LRP1B: variants seen among roughly 807,000 people sequenced by gnomAD.
LRP1B encodes the protein LDL receptor related protein 1B, also known as low-density lipoprotein receptor-related protein 1B.
Under a neutral mutation model 556.6 loss-of-function variants are expected in LRP1B, and 217 were observed. The ratio of observed to expected loss-of-function variants is 0.39; its 90% CI spans 0.35 to 0.44. The LOEUF (loss-of-function observed/expected upper bound fraction) is 0.44, where lower values mean the gene tolerates loss of function less well. Ranked by LOEUF, LRP1B falls within the 20% of genes least tolerant of loss-of-function variation. LRP1B has a pLI of 1.00. For missense variants in LRP1B, 5,053 were observed against 5,620.8 expected (o/e 0.90, Z 3.23); for synonymous variants, 2,047 against 1,865.8 (o/e 1.10, Z -2.50).
intron 31 of LRP1B, among the ~76,000 whole-genome samples, chr2:140,825,256 A>G (rs1255775042): frequency 6.6e-6 from 1 of 152,142 alleles, no homozygotes; most frequent in African/African-American, 2.4e-5. Flanking sequence ...AAAATGTAAT[A>G]TTAGTGAAAA....
chr2:141,240,631 C>T (rs1421259678), intron 5 of LRP1B, among the ~76,000 whole-genome samples: 6 of 151,890 alleles, frequency 4.0e-5, no homozygotes, highest in Non-Finnish European at 8.8e-5. Flanking sequence ...CTCTCACATT[C>T]TAAATTGAGG....
chr2:141,257,753 T>G (rs1235531861), intron 3 of LRP1B, among the ~76,000 whole-genome samples: 1 of 152,200 alleles, frequency 6.6e-6, no homozygotes, highest in Non-Finnish European at 1.5e-5. Context: ...ATGGTAAATA[T>G]TGATTCTGCT....
At chr2:141,277,066 T>G (rs1220147605) in intron 3 of LRP1B, among the ~76,000 whole-genome samples, 1 of 152,236 alleles carries the variant, frequency 6.6e-6, no homozygotes. Context: ...TGATTCCATG[T>G]CTTTGCTATT....
chr2:141,679,692 C>T (rs968945310), intron 2 of LRP1B, among the ~76,000 whole-genome samples: 6 of 152,038 alleles, frequency 3.9e-5, no homozygotes, highest in African/African-American at 1.4e-4. Context: ...ACTAAATATA[C>T]ATCAACATGT....
chr2:141,628,286 A>T (rs1371779663), intron 2 of LRP1B, among the ~76,000 whole-genome samples: 1 of 152,176 alleles, frequency 6.6e-6, no homozygotes, highest in Non-Finnish European at 1.5e-5. Flanking sequence ...ATTAATAGAG[A>T]TGAAGGTAAA....
At chr2:141,469,283 T>C (rs941979444) in intron 3 of LRP1B, among the ~76,000 whole-genome samples, 2 of 152,248 alleles carry the variant, frequency 1.3e-5, no homozygotes. Context: ...AAAGACTGAC[T>C]ACGGTGAGCT....
chr2:141,297,658 A>T (rs956781468), intron 3 of LRP1B, among the ~76,000 whole-genome samples: 1 of 151,950 alleles, frequency 6.6e-6, no homozygotes, highest in Non-Finnish European at 1.5e-5. Context: ...CAGTTACAAA[A>T]CCCTACACTT....
chr2:140,617,277 T>A, intron 41 of LRP1B, among the ~76,000 whole-genome samples: 1 of 151,988 alleles, frequency 6.6e-6, no homozygotes, highest in Non-Finnish European at 1.5e-5. Context: ...AAGATGTGTG[T>A]TACTCTAAAT....
chr2:141,636,875 G>A (rs1288646724), intron 2 of LRP1B, among the ~76,000 whole-genome samples: 2 of 152,100 alleles, frequency 1.3e-5, no homozygotes, highest in African/African-American at 2.4e-5. Flanking sequence ...TAATGTATCT[G>A]TAGCTTCCAT....
intron 2 of LRP1B, among the ~76,000 whole-genome samples, chr2:141,599,411 G>T (rs1227626714): frequency 6.6e-6 from 1 of 151,972 alleles, no homozygotes; most frequent in Non-Finnish European, 1.5e-5. Flanking sequence ...AGGATGTCCA[G>T]ATCCAAAAAC....
intron 65 of LRP1B, among the ~76,000 whole-genome samples, chr2:140,443,241 A>G (rs1686506981): frequency 6.6e-6 from 1 of 152,068 alleles, no homozygotes; most frequent in Non-Finnish European, 1.5e-5. Context: ...TTGTATTTTT[A>G]TTAGAGATAG....
intron 2 of LRP1B, among the ~76,000 whole-genome samples, chr2:141,746,732 C>A (rs1240254325): frequency 1.3e-5 from 2 of 151,946 alleles, no homozygotes; most frequent in Non-Finnish European, 2.9e-5. Flanking sequence ...CTTGCTCCAC[C>A]CCCATTTTGA....
chr2:141,507,047 T>C (rs567191042), intron 2 of LRP1B, among the ~76,000 whole-genome samples: 9 of 152,278 alleles, frequency 5.9e-5, no homozygotes, highest in Middle Eastern at 3.4e-3. Context: ...TTGATTCATC[T>C]CAAATGGTTG....
At chr2:140,530,477 T>C (rs968158912) in intron 47 of LRP1B, among the ~76,000 whole-genome samples, 2 of 152,124 alleles carry the variant, frequency 1.3e-5, no homozygotes, top group African/African-American at 4.8e-5. Flanking sequence ...GCCCGGCTTA[T>C]GGGTTATGGA....
rs1194955527 is a variant in LRP1B at position 141,015,803 on chromosome 2, G to A, written c.2083C>T (p.Leu695=). 2 of 1,613,440 alleles carry A rather than the reference G, an allele frequency of 1.2e-6. No individual in the cohort carries two copies. The highest frequency in any genetic ancestry group is 1.3e-5 in the African/African-American group (1 of 74,972). Residue 695 remains leucine (L), a synonymous_variant, in exon 13 of 91, where the codon CTG becomes TTG. Transcript: ENST00000389484. ...TCCAGAGTTAAACCGTTTGGCCACA[G>A]CATCTTTGAAGTCACAAAAATCTGC... ...NRQIFVTSKM[L]WPNGLTLDFH... is the part of the protein sequence containing the mutation.
intron 34 of LRP1B, among the ~76,000 whole-genome samples, chr2:140,770,373 A>T (rs1689269147): frequency 6.6e-6 from 1 of 152,000 alleles, no homozygotes; most frequent in Non-Finnish European, 1.5e-5. Flanking sequence ...TCATTCTAGA[A>T]CCAAAGTTAT....
chr2:140,394,733 A>T (rs141289415), intron 66 of LRP1B, among the ~76,000 whole-genome samples: 1 of 152,344 alleles, frequency 6.6e-6, no homozygotes, highest in East Asian at 1.9e-4. Context: ...AGAAAGCAAA[A>T]GTAAACTGGT....
Position 140,254,773 on chromosome 2 carries a change from C to T in LRP1B, c.13248-7611G>A, listed in dbSNP as rs191824368. On this transcript the variant is annotated intron_variant, in intron 86 of 90. Transcript: ENST00000389484. ...TTCACCATGTTGGTCAGGCTGGTCT[C>T]AAACTCCTGACCTCGTGATCCTCCC... Among the ~76,000 whole-genome samples the T allele has an allele frequency of 2.6e-5, 4 of 152,134 alleles. No homozygotes were observed. In the East Asian group the frequency reaches 7.8e-4, roughly 30 times the overall value.
rs143044381 is a variant in LRP1B at position 140,464,156 on chromosome 2, A to C, written c.9626-6505T>G. ...GGTTGCAGTGAGGCAAGATTGTGCC[A>C]CTGCACTTCAGCCTGGGTGACAGAG... On this transcript the variant is annotated intron_variant, in intron 60 of 90. Transcript: ENST00000389484. Among the ~76,000 whole-genome samples the C allele has an allele frequency of 2.4e-3, 367 of 152,196 alleles. 2 individuals carry two copies. The highest frequency in any genetic ancestry group is 8.6e-3 in the African/African-American group (358 of 41,540).
Sources: gnomAD v4.1 joint callset for allele counts (sites outside exome capture counted in the v4.1 genomes callset) on GRCh38, gnomAD v4.1.1 for gene constraint, MANE v1.5 for transcripts, NCBI Gene and HGNC (gene_info 2026-07-23, HGNC 2026-07-21) for gene names.